Variants in SDCBP2 observed in about 807,000 individuals in gnomAD.
SDCBP2 encodes syndecan binding protein 2, also known as syntenin-2.
SDCBP2 carries 28 observed loss-of-function variants against 30.7 expected under a neutral mutation model. The ratio of observed to expected loss-of-function variants is 0.91; its 90% CI spans 0.68 to 1.25. SDCBP2 has a LOEUF of 1.25. Ranked by LOEUF, SDCBP2 falls within the 50% of genes most tolerant of loss-of-function variation. The pLI is 0.00. For missense variants in SDCBP2, 399 were observed against 379.0 expected (o/e 1.05, Z -0.44); for synonymous variants, 166 against 157.3 (o/e 1.06, Z -0.41).
intron 7 of SDCBP2, chr20:1,311,106 C>A: frequency 2.0e-6 from 1 of 489,304 alleles, no homozygotes; most frequent in Non-Finnish European, 3.6e-6. Context: ...GGGTCTCCCA[C>A]CTGAGGATCT....
At chr20:1,328,583 A>C (rs983423393) in intron 1 of SDCBP2, among the ~76,000 whole-genome samples, 1 of 152,120 alleles carries the variant, frequency 6.6e-6, no homozygotes, top group Non-Finnish European at 1.5e-5. Context: ...GGCTATTTTC[A>C]GTCTCCAGAT....
At chr20:1,311,023 G>T in intron 7 of SDCBP2, 132 bp from the exon 8 acceptor site, 1 of 626,584 alleles carries the variant, frequency 1.6e-6, no homozygotes, top group Non-Finnish European at 2.7e-6. Context: ...GGGCAGGGCT[G>T]CCTCGGACCC....
Position 1,318,348 on chromosome 20 carries a change from C to G in SDCBP2, c.195G>C (p.Glu65Asp), listed in dbSNP as rs1441947773. 2.5e-6 allele frequency: 4 copies of G among 1,613,806 alleles called. No individual in the cohort carries two copies. Among genetic ancestry groups the G allele is most frequent in the Non-Finnish European group, 3.4e-6 (4 of 1,179,856 alleles). ...CACCCTCTGGAATCTGAAGCAGGCT[C>G]TCCTGGACTTCTTGGCTGGAGAGGG... The part of the protein sequence containing the change: ...GLSLSSQEVQ[E>D]SLLQIPEGDS... The change falls in exon 4 of 9, where the codon GAG becomes GAC. Residue 65 changes from glutamate (E) to aspartate (D), a missense_variant. Coordinates refer to ENST00000360779, the MANE Select transcript of SDCBP2 (RefSeq NM_080489.5).
rs190882285 is a variant in SDCBP2, at chr20:1,312,323, G to A, written c.732+14C>T. 359 of 1,609,986 alleles carry A rather than the reference G, an allele frequency of 2.2e-4. 2 individuals carry two copies. The highest frequency in any genetic ancestry group is 1.2e-3 in the African/African-American group (90 of 74,906). ...CCACCCGGCAGTCCCTCCCTGGTGC[G>A]GCCACCAGCCTACCTTCAGCCCGAT... On this transcript the variant is annotated intron_variant, in intron 7 of 8. Coordinates refer to ENST00000360779, the MANE Select transcript of SDCBP2 (RefSeq NM_080489.5).
intron 1 of SDCBP2, chr20:1,323,192 A>T (rs1209120599): frequency 6.6e-6 from 1 of 152,194 alleles, no homozygotes; most frequent in Non-Finnish European, 1.5e-5. Flanking sequence ...ATTTCCTGGG[A>T]GGGGAGGGAG....
At chr20:1,314,413 G>A (rs2088737472) in intron 4 of SDCBP2, among the ~76,000 whole-genome samples, 1 of 139,174 alleles carries the variant, frequency 7.2e-6, no homozygotes, top group Admixed American at 8.0e-5. Flanking sequence ...CATGAACCCA[G>A]GAGGTGGAGG....
Position 1,312,477 on chromosome 20 carries a change from C to T in SDCBP2, c.592G>A (p.Asp198Asn). Residue 198 changes from aspartate (D) to asparagine (N), a missense_variant, in exon 7 of 9, where the codon GAC becomes AAC. By Grantham distance (23) the Asp-to-Asn change is conservative. Transcript: ENST00000360779. Reference protein sequence around the residue: ...PFQRTVTMHKDSMGHVGFVIK... With the variant: ...PFQRTVTMHKNSMGHVGFVIK... Reference sequence around the variant, plus strand: ...ACGAAGCCGACGTGGCCCATGCTGTCCTTGTGCATGGTGACAGTCCGCTGG... The same window carrying T: ...ACGAAGCCGACGTGGCCCATGCTGTTCTTGTGCATGGTGACAGTCCGCTGG... The T allele has an allele frequency of 4.3e-6, 7 of 1,614,158 alleles. No homozygotes were observed. Among genetic ancestry groups the T allele is most frequent in the Non-Finnish European group, 5.9e-6 (7 of 1,180,028 alleles).
intron 1 of SDCBP2, chr20:1,325,960 G>A (rs1454055769): frequency 6.6e-6 from 1 of 152,236 alleles, no homozygotes; most frequent in Non-Finnish European, 1.5e-5. Flanking sequence ...CTAGGGAAGG[G>A]TTCTTGGCTT....
At chr20:1,311,035 G>A (rs536846411) in intron 7 of SDCBP2, 144 bp from the exon 8 acceptor site, 167 of 586,576 alleles carry the variant, frequency 2.8e-4, no homozygotes, top group African/African-American at 2.5e-3. Flanking sequence ...CTCGGACCCC[G>A]AGCCTGTCAG....
chr20:1,314,178 T>A (rs1444500916), intron 4 of SDCBP2, among the ~76,000 whole-genome samples: 4 of 152,130 alleles, frequency 2.6e-5, no homozygotes, highest in Admixed American at 2.6e-4. Flanking sequence ...AACGAACACA[T>A]GTAAACTGAA....
intron 6 of SDCBP2, 22 bp from the exon 7 acceptor site, chr20:1,312,530 TGTCCTGGG>T (rs1260881336): frequency 6.2e-7 from 1 of 1,614,086 alleles, no homozygotes; most frequent in Admixed American, 1.7e-5. Context: ...GACAGTGAGC[TGTCCTGGG>T]GACATGGCTG....
At position 1,310,433 on chromosome 20, in the gene SDCBP2, C is replaced by T. The variant is rs2088643671; in HGVS notation, c.*8G>A. On this transcript the variant is annotated 3_prime_UTR_variant, in exon 9 of 9. Transcript: ENST00000360779. ...AGCCCCCCCTGCCTGCCCTGCCCTGCAGTGGCTTCAGGCATCTGGGATGGA... is the reference window on the plus strand; with the variant it reads ...AGCCCCCCCTGCCTGCCCTGCCCTGTAGTGGCTTCAGGCATCTGGGATGGA... 4 of 1,613,236 alleles carry T rather than the reference C, an allele frequency of 2.5e-6. No homozygotes were observed. Among genetic ancestry groups the T allele is most frequent in the Non-Finnish European group, 3.4e-6 (4 of 1,179,842 alleles).
At chr20:1,317,859 T>C (rs1375336094) in intron 4 of SDCBP2, 1 of 325,772 alleles carries the variant, frequency 3.1e-6, no homozygotes, top group Non-Finnish European at 6.0e-6. Context: ...GTAAATATGT[T>C]TTCAGTGGCA....
chr20:1,312,211 C>T, intron 7 of SDCBP2, 126 bp downstream of exon 7: 1 of 957,996 alleles, frequency 1.0e-6, no homozygotes, highest in South Asian at 1.6e-5. Flanking sequence ...CGAACACCGT[C>T]TTACTGAACC....
intron 3 of SDCBP2, among the ~76,000 whole-genome samples, chr20:1,318,627 T>G (rs943214474): frequency 1.3e-5 from 2 of 152,306 alleles, no homozygotes; most frequent in South Asian, 2.1e-4. Flanking sequence ...CGAGTCCTCA[T>G]GCACCACTTT....
chr20:1,312,229 C>A (rs1600275062), intron 7 of SDCBP2, 108 bp downstream of exon 7: 1 of 1,139,354 alleles, frequency 8.8e-7, no homozygotes, highest in South Asian at 1.5e-5. Flanking sequence ...ACCCTCACAG[C>A]AACCTTAGGA....
In SDCBP2 at chr20:1,313,301, A is replaced by C; in HGVS notation, c.384+39T>G. The C allele has an allele frequency of 6.3e-7, 1 of 1,588,766 alleles. No individual in the cohort carries two copies. The highest frequency in any genetic ancestry group is 2.3e-5 in the East Asian group (1 of 44,222). Reference sequence around the variant, plus strand: ...TGAGGCCTGGCGGGAGAGCGCGTGCAGCTCGAGCTCCTCTTCCCACCCAGC... The same window carrying C: ...TGAGGCCTGGCGGGAGAGCGCGTGCCGCTCGAGCTCCTCTTCCCACCCAGC... On this transcript the variant is annotated intron_variant, in intron 5 of 8. Coordinates refer to ENST00000360779, the MANE Select transcript of SDCBP2 (RefSeq NM_080489.5). This position sits in a 1 kb window ranked among gnomAD's most constrained non-coding sequence, Gnocchi z 5.2.
At chr20:1,319,785 T>G in intron 2 of SDCBP2, 126 bp from the exon 3 acceptor site, 2 of 708,952 alleles carry the variant, frequency 2.8e-6, no homozygotes, top group Non-Finnish European at 4.6e-6. Context: ...GGGGGGAGTG[T>G]GCACCAACCC....
Position 1,310,307 on chromosome 20 carries a change from C to A in SDCBP2, c.*134G>T. 1.1e-6 allele frequency: 1 copy of A among 875,506 alleles called. No individual in the cohort carries two copies. Among genetic ancestry groups the A allele is most frequent in the Admixed American group, 2.1e-5 (1 of 47,428 alleles). The allele number at this position is 875,506 out of a possible 1,614,324, so 54.2% of individuals were successfully genotyped here. A position where few individuals can be genotyped will look rare whatever the true frequency, so the allele number is the denominator to read the frequency against. On this transcript the variant is annotated 3_prime_UTR_variant, in exon 9 of 9. Coordinates refer to ENST00000360779, the MANE Select transcript of SDCBP2 (RefSeq NM_080489.5). ...GTGTATAAGCCATCCCATGGTCACC[C>A]TCCTGGACACGCCCCCCTCATGGCA...
Sources: gnomAD v4.1 joint callset for allele counts (sites outside exome capture counted in the v4.1 genomes callset) on GRCh38, gnomAD v4.1.1 for gene constraint, Gnocchi (gnomAD v3.1) non-coding constraint, MANE v1.5 for transcripts, NCBI Gene and HGNC (gene_info 2026-07-23, HGNC 2026-07-21) for gene names.